CCDC102B: variants seen among roughly 807,000 people sequenced by gnomAD.
CCDC102B encodes the protein coiled-coil domain-containing protein 102B.
In CCDC102B, 75 loss-of-function variants were observed where a neutral mutation model predicts 57.4. The ratio of observed to expected loss-of-function variants is 1.31; its 90% CI spans 1.08 to 1.58. The LOEUF (loss-of-function observed/expected upper bound fraction) is 1.58. Among genes scored for constraint, CCDC102B ranks in the 40% most tolerant of loss-of-function variants. CCDC102B has a pLI of 0.00. For synonymous variants in CCDC102B, 206 were observed against 201.9 expected, an observed-to-expected ratio of 1.02 and a Z score of -0.17; for missense variants, 636 against 582.6, an observed-to-expected ratio of 1.09 and a Z score of -0.94.
rs764595291 is a variant in CCDC102B at position 68,838,739 on chromosome 18, A to G, written c.640A>G (p.Ser214Gly). Residue 214 changes from serine (S) to glycine (G), a missense_variant, in exon 3 of 8, where the codon AGT (serine) becomes GGT (glycine). Physicochemically the swap from Ser to Gly is moderately conservative, Grantham distance 56. Transcript: ENST00000360242. ...TGTGGTTATTGATTCTCTAAAATTA[A>G]GTGAGGAGATGAAGCCCAATCTAGA... ...QGVVIDSLKL[S>G]EEMKPNLDGV... 1 of 1,613,960 alleles carries G rather than the reference A, an allele frequency of 6.2e-7. No individual in the cohort carries two copies. The highest frequency in any genetic ancestry group is 8.5e-7 in the Non-Finnish European group (1 of 1,179,924).
At chr18:68,960,544 A>C (rs145176006) in intron 6 of CCDC102B, among the ~76,000 whole-genome samples, 1 of 152,162 alleles carries the variant, frequency 6.6e-6, no homozygotes, top group Non-Finnish European at 1.5e-5. Flanking sequence ...GTGAACCTCA[A>C]GTACACTGGC....
At chr18:68,783,107 T>C (rs1242768368) in intron 2 of CCDC102B, among the ~76,000 whole-genome samples, 1 of 152,196 alleles carries the variant, frequency 6.6e-6, no homozygotes, top group Non-Finnish European at 1.5e-5. Context: ...TGGAGGTTGG[T>C]ACGATTGGTT....
At chr18:68,826,958 A>C (rs999171027) in intron 1 of CCDC102B, among the ~76,000 whole-genome samples, 4 of 152,186 alleles carry the variant, frequency 2.6e-5, no homozygotes, top group Non-Finnish European at 5.9e-5. Context: ...AAATGTCAAC[A>C]CTAGGAATAT....
At chr18:69,039,025 A>G (rs1240690231) in intron 7 of CCDC102B, among the ~76,000 whole-genome samples, 3 of 151,968 alleles carry the variant, frequency 2.0e-5, no homozygotes, top group African/African-American at 7.2e-5. Flanking sequence ...ACCTTTTATC[A>G]CTGGTTACTA....
chr18:68,801,349 T>C (rs1420624017), intron 1 of CCDC102B, among the ~76,000 whole-genome samples: 3 of 152,152 alleles, frequency 2.0e-5, no homozygotes, highest in Non-Finnish European at 4.4e-5. Flanking sequence ...AGATATTGTA[T>C]TGGAGGTTGT....
intron 2 of CCDC102B, among the ~76,000 whole-genome samples, chr18:68,769,331 G>A (rs2034564436): frequency 6.6e-6 from 1 of 151,290 alleles, no homozygotes; most frequent in Non-Finnish European, 1.5e-5. Context: ...GCTATTATAA[G>A]TATGCTCTTC....
chr18:69,034,753 A>C (rs1441071857), intron 7 of CCDC102B, among the ~76,000 whole-genome samples: 1 of 151,578 alleles, frequency 6.6e-6, no homozygotes, highest in African/African-American at 2.4e-5. Flanking sequence ...GATGCTGTGC[A>C]TGTGTATATA....
At chr18:68,947,813 T>C (rs1324318249) in intron 6 of CCDC102B, among the ~76,000 whole-genome samples, 2 of 152,158 alleles carry the variant, frequency 1.3e-5, no homozygotes, top group African/African-American at 4.8e-5. Context: ...TCAAGTATAA[T>C]TTCTCTTCTC....
chr18:68,730,308 C>T (rs1479437915), intron 2 of CCDC102B, among the ~76,000 whole-genome samples: 1 of 152,046 alleles, frequency 6.6e-6, no homozygotes, highest in African/African-American at 2.4e-5. Flanking sequence ...TTTTCTTTCT[C>T]TTAAAAAATT....
intron 6 of CCDC102B, among the ~76,000 whole-genome samples, chr18:68,999,031 G>GAA (rs1309920710): frequency 2.8e-4 from 37 of 130,392 alleles, no homozygotes; most frequent in African/African-American, 9.9e-4. Flanking sequence ...GAGAGAGAGA[G>GAA]AGAGAGTCAT....
At chr18:68,852,638 AGATT>A (rs1758279875) in intron 4 of CCDC102B, among the ~76,000 whole-genome samples, 1 of 152,106 alleles carries the variant, frequency 6.6e-6, no homozygotes, top group Non-Finnish European at 1.5e-5. Flanking sequence ...TTCTGATATT[AGATT>A]GATTGAATCC....
At chr18:68,991,404 G>A (rs1239541356) in intron 6 of CCDC102B, among the ~76,000 whole-genome samples, 1 of 152,150 alleles carries the variant, frequency 6.6e-6, no homozygotes, top group Non-Finnish European at 1.5e-5. Context: ...TGCAATTACA[G>A]GGCACTAAGT....
At chr18:68,966,982 G>T (rs2050181039) in intron 6 of CCDC102B, among the ~76,000 whole-genome samples, 1 of 152,080 alleles carries the variant, frequency 6.6e-6, no homozygotes, top group South Asian at 2.1e-4. Flanking sequence ...GATGGTGATT[G>T]TTCAATAGTT....
At chr18:68,894,793 A>C (rs1485892910) in intron 5 of CCDC102B, among the ~76,000 whole-genome samples, 1 of 151,864 alleles carries the variant, frequency 6.6e-6, no homozygotes, top group East Asian at 1.9e-4. Flanking sequence ...GGCATTATTT[A>C]AGCTTTGTTG....
At chr18:68,835,251 A>G (rs996218206) in intron 1 of CCDC102B, among the ~76,000 whole-genome samples, 4 of 152,128 alleles carry the variant, frequency 2.6e-5, no homozygotes, top group African/African-American at 9.6e-5. Flanking sequence ...AAAGCTTTGC[A>G]TTGGGCTAAG....
At chr18:68,846,532 A>C (rs1539895) in intron 4 of CCDC102B, 111 bp downstream of exon 4, 178,595 of 593,324 alleles carry the variant, frequency 0.3, 28,222 homozygotes, top group South Asian at 0.43. Flanking sequence ...GGAGGTTAAA[A>C]ATTGGAATTT....
Position 68,837,306 on chromosome 18 carries a change from T to A in CCDC102B, c.543T>A (p.His181Gln). Residue 181 changes from histidine (H) to glutamine (Q), a missense_variant, in exon 2 of 8, where the codon CAT (histidine) becomes CAA (glutamine). His to Gln is a conservative substitution (Grantham distance 24, BLOSUM62 0). Transcript: ENST00000360242. ...AATTTCAATTGAGTTCACAAATGCA[T>A]GAGTCTATCAGAGAGTATTTGGTAA... ...TDQFQLSSQM[H>Q]ESIREYLVKR... The A allele has an allele frequency of 1.2e-6, 2 of 1,613,666 alleles. No homozygotes were observed.
rs111804284 is a variant in CCDC102B at position 68,942,375 on chromosome 18, G to A, written c.1263+44947G>A. Among the ~76,000 whole-genome samples, 647 of 152,156 alleles carry A rather than the reference G, an allele frequency of 4.3e-3. 2 individuals are homozygous for A. Among genetic ancestry groups the A allele is most frequent in the African/African-American group, 0.015 (606 of 41,538 alleles). ...CACAAAGTATAGAGAAAGAAAAGCA[G>A]GCCCAGGGGACCGGTGCTCAGCATA... On this transcript the variant is annotated intron_variant, in intron 6 of 7. Coordinates refer to ENST00000360242, the MANE Select transcript of CCDC102B (RefSeq NM_024781.3).
At chr18:68,772,653 A>T (rs1258235967) in intron 2 of CCDC102B, among the ~76,000 whole-genome samples, 1 of 152,134 alleles carries the variant, frequency 6.6e-6, no homozygotes, top group Non-Finnish European at 1.5e-5. Flanking sequence ...TCTCTTGATA[A>T]ATTATTTAAA....
Sources: gnomAD v4.1 joint callset for allele counts (sites outside exome capture counted in the v4.1 genomes callset) on GRCh38, gnomAD v4.1.1 for gene constraint, MANE v1.5 for transcripts, NCBI Gene and HGNC (gene_info 2026-07-23, HGNC 2026-07-21) for gene names.